The following FAM110B variants were observed in gnomAD, a reference collection of about 807,000 sequenced individuals.
The protein encoded by FAM110B is family with sequence similarity 110 member B.
Under a neutral mutation model 20.4 loss-of-function variants are expected in FAM110B, and 6 were observed. That is an observed-to-expected ratio of 0.29 (90% CI 0.16 to 0.58). The LOEUF (loss-of-function observed/expected upper bound fraction) is 0.58. Ranked by LOEUF, FAM110B falls within the 20% of genes least tolerant of loss-of-function variation. FAM110B has a pLI of 0.90. For missense variants in FAM110B, 434 were observed against 498.2 expected (o/e 0.87, Z 1.23); for synonymous variants, 226 against 214.1 (o/e 1.06, Z -0.49).
At chr8:58,086,883 G>C (rs1345782530) in intron 3 of FAM110B, among the ~76,000 whole-genome samples, 2 of 152,184 alleles carry the variant, frequency 1.3e-5, no homozygotes, top group African/African-American at 2.4e-5. Context: ...GAGGACAGTG[G>C]AGCTGGTATT....
intron 2 of FAM110B, among the ~76,000 whole-genome samples, chr8:58,074,774 C>T (rs992831950): frequency 1.5e-4 from 23 of 152,082 alleles, no homozygotes; most frequent in Admixed American, 1.3e-3. Flanking sequence ...AGTGGTGCTG[C>T]GGAGCCCCTC....
chr8:58,021,779 C>T (rs112511882), intron 1 of FAM110B, among the ~76,000 whole-genome samples: 23 of 152,266 alleles, frequency 1.5e-4, no homozygotes, highest in African/African-American at 5.3e-4. Flanking sequence ...CCAACCCCAA[C>T]TTGGAATCTC....
At chr8:58,023,804 G>A (rs1341944232) in intron 1 of FAM110B, among the ~76,000 whole-genome samples, 2 of 152,158 alleles carry the variant, frequency 1.3e-5, no homozygotes, top group Admixed American at 1.3e-4. Flanking sequence ...ATCATATCCA[G>A]TCAGTAATGT....
chr8:58,132,990 G>T (rs1803514899), intron 3 of FAM110B, among the ~76,000 whole-genome samples: 1 of 151,694 alleles, frequency 6.6e-6, no homozygotes, highest in Non-Finnish European at 1.5e-5. Context: ...AGAAGCAAGT[G>T]GTATCATTTT....
intron 1 of FAM110B, among the ~76,000 whole-genome samples, chr8:58,024,981 A>G (rs887826358): frequency 3.3e-5 from 5 of 152,316 alleles, no homozygotes; most frequent in Admixed American, 6.5e-5. Context: ...GGCTTACACT[A>G]TATCTGCTGC....
At chr8:58,018,107 T>C (rs1373983764) in intron 1 of FAM110B, among the ~76,000 whole-genome samples, 1 of 151,588 alleles carries the variant, frequency 6.6e-6, no homozygotes, top group Non-Finnish European at 1.5e-5. Context: ...TTGTTGTTTT[T>C]AAATGCTCAA....
chr8:58,038,211 C>A (rs1805128251), intron 2 of FAM110B, among the ~76,000 whole-genome samples: 1 of 152,178 alleles, frequency 6.6e-6, no homozygotes, highest in Admixed American at 6.5e-5. Flanking sequence ...GTATCAGGTA[C>A]TGCTTACTCT....
chr8:58,084,421 C>T (rs1357695385), intron 3 of FAM110B, among the ~76,000 whole-genome samples: 1 of 148,902 alleles, frequency 6.7e-6, no homozygotes, highest in African/African-American at 2.5e-5. Context: ...GACGGAGTCT[C>T]ACTCTGTCAC....
chr8:58,126,069 T>A (rs1011270127), intron 3 of FAM110B, among the ~76,000 whole-genome samples: 1 of 152,216 alleles, frequency 6.6e-6, no homozygotes, highest in African/African-American at 2.4e-5. Context: ...ACAAGCACCC[T>A]CATGACTCCT....
Position 58,047,567 on chromosome 8 carries a change from A to G in FAM110B, c.-414+15864A>G, listed in dbSNP as rs941213135. On this transcript the variant is annotated intron_variant, in intron 2 of 3. Coordinates refer to ENST00000519262, the MANE Select transcript of FAM110B (RefSeq NM_001377989.1). Reference sequence around the variant, plus strand: ...GACCAGAGGCACTCTGTACCTCATCAAATTGTAATTAATCTTCCTTTTTCC... The same window carrying G: ...GACCAGAGGCACTCTGTACCTCATCGAATTGTAATTAATCTTCCTTTTTCC... 1.3e-4 allele frequency among the ~76,000 whole-genome samples: 18 copies of G among 136,056 alleles called. No homozygotes were observed. The East Asian group carries it at 3.8e-3, about 29-fold the overall frequency. 89.3% of individuals were successfully genotyped at this position (136,056 alleles called of 152,430 possible). A position where few individuals can be genotyped will look rare whatever the true frequency, so the allele number is the denominator to read the frequency against.
At chr8:58,105,725 T>G (rs1806895004) in intron 3 of FAM110B, among the ~76,000 whole-genome samples, 1 of 151,640 alleles carries the variant, frequency 6.6e-6, no homozygotes, top group Non-Finnish European at 1.5e-5. Context: ...CCCACCACCA[T>G]GCGTGGCTAA....
At chr8:58,112,983 C>T (rs2150620683) in intron 3 of FAM110B, among the ~76,000 whole-genome samples, 1 of 152,278 alleles carries the variant, frequency 6.6e-6, no homozygotes, top group Middle Eastern at 3.4e-3. Context: ...TAGTGAAGCC[C>T]CACTTCTGGG....
intron 2 of FAM110B, among the ~76,000 whole-genome samples, chr8:58,075,269 T>TGTG (rs1554521049): frequency 8.2e-6 from 1 of 122,364 alleles, no homozygotes; most frequent in Non-Finnish European, 1.7e-5. Flanking sequence ...TTGCTTTTTT[T>TGTG]TTTTTTTGTG....
At chr8:58,066,299 A>T (rs1351089721) in intron 2 of FAM110B, among the ~76,000 whole-genome samples, 1 of 151,878 alleles carries the variant, frequency 6.6e-6, no homozygotes, top group African/African-American at 2.4e-5. Context: ...TCAGCGGGCG[A>T]CCTCCCTGAG....
chr8:58,026,812 A>G (rs992604943), intron 1 of FAM110B, among the ~76,000 whole-genome samples: 1 of 152,208 alleles, frequency 6.6e-6, no homozygotes, highest in African/African-American at 2.4e-5. Flanking sequence ...ATACAATCAA[A>G]CTTCTACATA....
intron 3 of FAM110B, among the ~76,000 whole-genome samples, chr8:58,096,945 C>A (rs1400279930): frequency 1.3e-5 from 2 of 152,120 alleles, no homozygotes; most frequent in African/African-American, 4.8e-5. Flanking sequence ...TTGTGGGTAA[C>A]CCGACCTTTC....
At chr8:58,065,166 C>T (rs1378620047) in intron 2 of FAM110B, among the ~76,000 whole-genome samples, 1 of 152,074 alleles carries the variant, frequency 6.6e-6, no homozygotes, top group Non-Finnish European at 1.5e-5. Context: ...ATGCTTTACC[C>T]GTGCAAAATT....
chr8:58,083,838 A>G (rs937136580), intron 3 of FAM110B, among the ~76,000 whole-genome samples: 24 of 152,216 alleles, frequency 1.6e-4, no homozygotes, highest in African/African-American at 5.8e-4. Flanking sequence ...AAAGGGATAA[A>G]CACTCTATAT....
rs199509693 is a variant in FAM110B at position 58,006,917 on chromosome 8, A to ATTTT, written c.-512+12112_-512+12113insTTTT. Among the ~76,000 whole-genome samples, 762 of 84,206 alleles carry ATTTT rather than the reference A, an allele frequency of 9.0e-3. 22 individuals carry two copies. The highest frequency in any genetic ancestry group is 0.087 in the East Asian group (162 of 1,856). 55.2% of individuals were successfully genotyped at this position (84,206 alleles called of 152,430 possible). ...GCTTAATTGGTATATATATATATAT[A>ATTTT]TATATATTTTTCCAAAACCAGAGTT... On this transcript the variant is annotated intron_variant, in intron 1 of 3. Transcript: ENST00000519262.
Sources: allele counts gnomAD v4.1 joint callset (sites outside exome capture counted in the v4.1 genomes callset), GRCh38; gene constraint gnomAD v4.1.1; transcripts MANE v1.5; gene names NCBI Gene and HGNC (gene_info 2026-07-23, HGNC 2026-07-21).